IFI16: variants seen among roughly 807,000 people sequenced by gnomAD.
The protein encoded by IFI16 is gamma-interferon-inducible protein 16.
Under a neutral mutation model 68.4 loss-of-function variants are expected in IFI16, and 49 were observed. The observed-to-expected ratio is 0.72, with a 90% CI of 0.57 to 0.91. The LOEUF is 0.91. Ranked by LOEUF, IFI16 falls within the 40% of genes least tolerant of loss-of-function variation. The pLI is 0.00. For missense variants in IFI16, 878 were observed against 942.9 expected (o/e 0.93, Z 0.90); for synonymous variants, 307 against 315.0 (o/e 0.97, Z 0.27).
chr1:159,028,284 G>A (rs537431661), intron 6 of IFI16, among the ~76,000 whole-genome samples: 31 of 152,148 alleles, frequency 2.0e-4, no homozygotes, highest in African/African-American at 6.5e-4. Flanking sequence ...ATGATCATAC[G>A]GGAGCAGGTT....
At chr1:159,046,225 A>T (rs1433918371) in intron 8 of IFI16, among the ~76,000 whole-genome samples, 1 of 151,114 alleles carries the variant, frequency 6.6e-6, no homozygotes, top group African/African-American at 2.4e-5. Context: ...ATCTTCTTTC[A>T]TTACCCTCAG....
intron 1 of IFI16, among the ~76,000 whole-genome samples, chr1:159,014,158 G>A (rs919721176): frequency 1.3e-5 from 2 of 152,156 alleles, no homozygotes; most frequent in Admixed American, 1.3e-4. Flanking sequence ...AGCCAACTAG[G>A]GAAGAGTCAA....
chr1:159,040,728 A>C (rs2101896300), intron 7 of IFI16, among the ~76,000 whole-genome samples: 1 of 152,320 alleles, frequency 6.6e-6, no homozygotes, highest in Middle Eastern at 3.4e-3. Context: ...GGCAATAATT[A>C]TATTTTTGCT....
Position 159,051,872 on chromosome 1 carries a change from T to C in IFI16, c.1859T>C (p.Leu620Pro). The C allele has an allele frequency of 6.2e-7, 1 of 1,614,112 alleles. No individual in the cohort carries two copies. Among genetic ancestry groups the C allele is most frequent in the Non-Finnish European group, 8.5e-7 (1 of 1,179,952 alleles). Residue 620 changes from leucine (L) to proline (P), a missense_variant, in exon 10 of 12, where the codon CTA (leucine) becomes CCA (proline). Leu to Pro is a moderately conservative substitution (Grantham distance 98, BLOSUM62 -3). Transcript: ENST00000295809. ...VFRVKVFNID[L>P]KEKFTPKKII... ...CGAGTGAAGGTTTTTAATATTGACCTAAAGGAGAAGTTCACCCCAAAGAAG... is the reference window on the plus strand; with the variant it reads ...CGAGTGAAGGTTTTTAATATTGACCCAAAGGAGAAGTTCACCCCAAAGAAG...
rs1397607074 is a variant in IFI16, at chr1:159,016,708, C to G, written c.549+8C>G. ...AACAGTTCTTCAACTGAGGTACACT[C>G]TTCCTGGTCCCATTTTGCTTTGTTT... On this transcript the variant is annotated splice_region_variant and intron_variant, in intron 4 of 11. Coordinates refer to ENST00000295809, the MANE Select transcript of IFI16 (RefSeq NM_001376587.1). The G allele has an allele frequency of 1.2e-6, 2 of 1,601,422 alleles. No individual in the cohort carries two copies. Among genetic ancestry groups the G allele is most frequent in the Admixed American group, 3.5e-5 (2 of 57,346 alleles).
chr1:159,013,447 C>A (rs1316246550), intron 1 of IFI16, among the ~76,000 whole-genome samples: 1 of 152,062 alleles, frequency 6.6e-6, no homozygotes, highest in Non-Finnish European at 1.5e-5. Context: ...GAATTACAGG[C>A]GTGAGCCACT....
At chr1:159,024,109 A>G (rs1305052816) in intron 6 of IFI16, among the ~76,000 whole-genome samples, 2 of 152,254 alleles carry the variant, frequency 1.3e-5, no homozygotes, top group Non-Finnish European at 2.9e-5. Context: ...ATTTTTATTT[A>G]AAGTGCGAAG....
chr1:159,004,242 G>A (rs542127615), upstream of IFI16, among the ~76,000 whole-genome samples: 15 of 152,178 alleles, frequency 9.9e-5, no homozygotes, highest in Non-Finnish European at 1.8e-4. Context: ...GGGAGGCTGA[G>A]GTAGGTAGAT....
At chr1:159,020,652 T>C in intron 6 of IFI16, 123 bp downstream of exon 6, 1 of 596,812 alleles carries the variant, frequency 1.7e-6, no homozygotes, top group Non-Finnish European at 2.9e-6. Context: ...AAAACAGATA[T>C]TCTCCTTGTA....
At chr1:159,005,920 C>T (rs1163978866), upstream of IFI16, 2 of 152,872 alleles carry the variant, frequency 1.3e-5, no homozygotes, top group East Asian at 1.9e-4. Flanking sequence ...CTATCCCCAC[C>T]CCTCAGCGCC....
At position 159,052,110 on chromosome 1, in the gene IFI16, C is replaced by T. The variant is rs1182605888; in HGVS notation, c.2085+12C>T. On this transcript the variant is annotated intron_variant, in intron 10 of 11. Transcript: ENST00000295809. ...TTGAGGTACATAAGGTAAGCCCACA[C>T]CATTGTTTTATAAAATTTCTCCTGC... The T allele has an allele frequency of 1.3e-6, 2 of 1,574,662 alleles. No individual in the cohort carries two copies. The highest frequency in any genetic ancestry group is 3.7e-5 in the Admixed American group (2 of 54,028).
intron 7 of IFI16, among the ~76,000 whole-genome samples, chr1:159,038,639 T>C (rs893363490): frequency 8.5e-5 from 13 of 152,134 alleles, no homozygotes; most frequent in African/African-American, 3.1e-4. Context: ...GTTGCTGGGG[T>C]TACATGCACA....
intron 4 of IFI16, among the ~76,000 whole-genome samples, chr1:159,017,427 T>C (rs750112376): frequency 8.5e-5 from 13 of 152,196 alleles, no homozygotes; most frequent in Non-Finnish European, 1.6e-4. Flanking sequence ...ACACTCTTTG[T>C]GTCTATAGTT....
Position 159,051,959 on chromosome 1 carries a change from T to C in IFI16, c.1946T>C (p.Leu649Pro). 1 of 1,614,102 alleles carries C rather than the reference T, an allele frequency of 6.2e-7. No individual in the cohort carries two copies. Among genetic ancestry groups the C allele is most frequent in the Non-Finnish European group, 8.5e-7 (1 of 1,179,968 alleles). The change falls in exon 10 of 12, where the codon CTT becomes CCT. Residue 649 changes from leucine to proline, a missense_variant. This residue lies in a region of IFI16 where 311 missense variants were observed against 305.1 expected (regional missense o/e 1.02). Coordinates refer to ENST00000295809, the MANE Select transcript of IFI16 (RefSeq NM_001376587.1). ...TTCCTGGAGGTATATCCTTTCACAC[T>C]TGTGGCTGATGTGAATGCTGACCGA... ...NGFLEVYPFT[L>P]VADVNADRNM...
upstream of IFI16, among the ~76,000 whole-genome samples, chr1:159,009,525 C>G (rs763552318): frequency 1.3e-5 from 2 of 152,144 alleles, no homozygotes; most frequent in African/African-American, 2.4e-5. Flanking sequence ...CATGTTGCTT[C>G]TCTTATATTT....
upstream of IFI16, among the ~76,000 whole-genome samples, chr1:159,009,483 C>T (rs1052322679): frequency 1.6e-4 from 24 of 152,164 alleles, no homozygotes; most frequent in Admixed American, 1.6e-3. Flanking sequence ...GCCACTGCCA[C>T]TCTGTGCACA....
upstream of IFI16, among the ~76,000 whole-genome samples, chr1:159,002,856 T>G (rs1050710370): frequency 2.0e-5 from 3 of 152,174 alleles, no homozygotes; most frequent in Non-Finnish European, 2.9e-5. Flanking sequence ...GCTCTATTCA[T>G]CCATATGGCT....
chr1:159,021,775 T>A (rs1428467433), intron 6 of IFI16, among the ~76,000 whole-genome samples: 1 of 152,136 alleles, frequency 6.6e-6, no homozygotes, highest in Non-Finnish European at 1.5e-5. Context: ...TTTTTTAAAA[T>A]TTTTTGATTA....
In IFI16 at chr1:159,032,581, G is replaced by A. The variant is rs1654067635; in HGVS notation, c.1219G>A (p.Glu407Lys). The A allele has an allele frequency of 6.8e-6, 11 of 1,612,106 alleles. No homozygotes were observed. The highest frequency in any genetic ancestry group is 2.2e-5 in the South Asian group (2 of 90,920). ...CCCCAAGAGCATGAAGCTACCCCAGGAACAGCGTCAGCTTCCATATCCTTC... is the reference window on the plus strand; with the variant it reads ...CCCCAAGAGCATGAAGCTACCCCAGAAACAGCGTCAGCTTCCATATCCTTC... ...NDPKSMKLPQEQRQLPYPSEA... is the reference protein window; with the variant it reads ...NDPKSMKLPQKQRQLPYPSEA... Residue 407 changes from glutamate (E) to lysine (K), a missense_variant, in exon 7 of 12, where the codon GAA (glutamate) becomes AAA (lysine). Physicochemically the swap from Glu to Lys is moderately conservative, Grantham distance 56. Coordinates refer to ENST00000295809, the MANE Select transcript of IFI16 (RefSeq NM_001376587.1).
Sources: allele counts gnomAD v4.1 joint callset (sites outside exome capture counted in the v4.1 genomes callset), GRCh38; gene constraint gnomAD v4.1.1; regional missense constraint gnomAD v4.1.1; transcripts MANE v1.5; gene names NCBI Gene and HGNC (gene_info 2026-07-23, HGNC 2026-07-21).